The following TAOK3 variants were observed in gnomAD, a reference collection of about 807,000 sequenced individuals.
TAOK3 encodes the protein serine/threonine-protein kinase TAO3.
A neutral mutation model predicts 120.4 loss-of-function variants in TAOK3; 40 were observed. The ratio of observed to expected loss-of-function variants is 0.33; its 90% CI spans 0.26 to 0.43. TAOK3 has a LOEUF of 0.43. Among genes scored for constraint, TAOK3 ranks in the 20% least tolerant of loss-of-function variants. The pLI is 1.00. For missense variants in TAOK3, 821 were observed against 1,112.1 expected (o/e 0.74, Z 3.72); for synonymous variants, 355 against 387.5 (o/e 0.92, Z 0.99).
chr12:118,193,046 G>GTTTT (rs1319064230), intron 13 of TAOK3, among the ~76,000 whole-genome samples: 13 of 99,722 alleles, frequency 1.3e-4, no homozygotes, highest in African/African-American at 3.6e-4. Flanking sequence ...TTACCACGTT[G>GTTTT]TTGTTTTTTT....
intron 16 of TAOK3, among the ~76,000 whole-genome samples, chr12:118,175,088 A>G (rs1415602082): frequency 4.6e-5 from 7 of 152,144 alleles, no homozygotes; most frequent in Non-Finnish European, 1.0e-4. Flanking sequence ...AAGAATGTGA[A>G]CCTTCTGAGT....
intron 3 of TAOK3, among the ~76,000 whole-genome samples, chr12:118,245,588 G>A (rs1460666751): frequency 3.9e-5 from 6 of 152,150 alleles, no homozygotes; most frequent in Admixed American, 3.9e-4. Context: ...AAAGTGCTGG[G>A]ATTACAGACG....
intron 9 of TAOK3, among the ~76,000 whole-genome samples, chr12:118,229,997 T>C (rs749995907): frequency 2.0e-5 from 3 of 152,184 alleles, no homozygotes; most frequent in Non-Finnish European, 4.4e-5. Context: ...AAGCATATAA[T>C]AGATATTAAT....
At chr12:118,358,936 C>T (rs1326139194) in intron 1 of TAOK3, 1 of 152,044 alleles carries the variant, frequency 6.6e-6, no homozygotes, top group East Asian at 1.9e-4. Context: ...AGATCTCAAA[C>T]GCATGTCCTA....
intron 1 of TAOK3, among the ~76,000 whole-genome samples, chr12:118,337,623 G>A (rs774299561): frequency 1.3e-5 from 2 of 152,062 alleles, no homozygotes; most frequent in African/African-American, 4.8e-5. Context: ...CAGTTAAATC[G>A]TCAGAGAATT....
At chr12:118,173,470 A>G (rs186488415) in intron 16 of TAOK3, among the ~76,000 whole-genome samples, 1 of 152,338 alleles carries the variant, frequency 6.6e-6, no homozygotes, top group Non-Finnish European at 1.5e-5. Context: ...ACATATGAAG[A>G]TAGCTGGGAG....
chr12:118,195,981 C>T (rs530320404), intron 13 of TAOK3, among the ~76,000 whole-genome samples: 11 of 152,064 alleles, frequency 7.2e-5, no homozygotes, highest in East Asian at 1.9e-4. Flanking sequence ...ACGCAGGAGG[C>T]GGAGCTTGCA....
chr12:118,362,375 T>C (rs1182465834), intron 1 of TAOK3, among the ~76,000 whole-genome samples: 1 of 151,034 alleles, frequency 6.6e-6, no homozygotes. Flanking sequence ...CACAATGTTT[T>C]AAGAAAGTTT....
At chr12:118,243,328 G>A in intron 5 of TAOK3, 87 bp downstream of exon 5, 7 of 715,654 alleles carry the variant, frequency 9.8e-6, no homozygotes, top group South Asian at 1.8e-5. Context: ...AATGAAATTA[G>A]TAATTTTACA....
chr12:118,299,322 T>C (rs1336171425), intron 1 of TAOK3, among the ~76,000 whole-genome samples: 1 of 152,200 alleles, frequency 6.6e-6, no homozygotes, highest in African/African-American at 2.4e-5. Context: ...CAAACTCATA[T>C]AACCTTTTGC....
chr12:118,290,888 GT>G (rs1566071242), intron 1 of TAOK3, among the ~76,000 whole-genome samples: 1 of 150,388 alleles, frequency 6.6e-6, no homozygotes, highest in African/African-American at 2.5e-5. Flanking sequence ...GTATTAGGGC[GT>G]TTACTTTTTT....
chr12:118,345,393 T>C lies in TAOK3; in HGVS notation c.-194+27255A>G, dbSNP rs139948866. Among the ~76,000 whole-genome samples the C allele has an allele frequency of 5.3e-5, 8 of 152,166 alleles. No homozygotes were observed. In the East Asian group the frequency reaches 1.4e-3, roughly 26 times the overall value. On this transcript the variant is annotated intron_variant, in intron 1 of 20. Transcript: ENST00000392533. ...TCAAAAGGGTTCATAACCAAGAAGT[T>C]TGAATGCAAAACGAACAAAATAAAC... is the stretch of plus-strand genomic sequence containing the variant.
chr12:118,239,314 T>C, intron 5 of TAOK3, 42 bp from the exon 6 acceptor site: 1 of 1,201,206 alleles, frequency 8.3e-7, no homozygotes, highest in Non-Finnish European at 1.2e-6. Flanking sequence ...TGAAAGTTAA[T>C]TTAAAAACTG....
Position 118,246,112 on chromosome 12 carries a change from G to C in TAOK3, c.121-1147C>G. The C allele has an allele frequency of 6.6e-6, 9 of 1,354,286 alleles. 1 individual carries two copies. The highest frequency in any genetic ancestry group is 8.0e-6 in the Non-Finnish European group (8 of 1,000,528). The allele number at this position is 1,354,286 out of a possible 1,614,324, so 83.9% of individuals were successfully genotyped here. ...GCGGATGACGCCGGTGCAGCGGGGG[G>C]GCACGGAGGCCCTGGTGGCCCTGGG... On this transcript the variant is annotated intron_variant, in intron 3 of 20. Transcript: ENST00000392533.
chr12:118,256,171 C>T (rs1191017554), intron 2 of TAOK3: 1 of 151,794 alleles, frequency 6.6e-6, no homozygotes, highest in Non-Finnish European at 1.5e-5. Flanking sequence ...TGAGAAGATC[C>T]TCAAACATCA....
At chr12:118,251,196 G>T (rs1187252736) in intron 3 of TAOK3, among the ~76,000 whole-genome samples, 6 of 152,138 alleles carry the variant, frequency 3.9e-5, no homozygotes, top group Non-Finnish European at 8.8e-5. Flanking sequence ...AATCATAGTT[G>T]TCCAAATAAG....
intron 17 of TAOK3, among the ~76,000 whole-genome samples, chr12:118,171,639 G>A (rs1160735089): frequency 6.6e-6 from 1 of 152,198 alleles, no homozygotes; most frequent in Admixed American, 6.5e-5. Context: ...TTACAGGCAT[G>A]AGCCACCATG....
At chr12:118,272,213 A>T (rs939107723) in intron 1 of TAOK3, among the ~76,000 whole-genome samples, 5 of 151,174 alleles carry the variant, frequency 3.3e-5, no homozygotes, top group African/African-American at 1.2e-4. Context: ...GAATCACTTA[A>T]GCCCAGGAGG....
chr12:118,276,038 T>C (rs528700424), intron 1 of TAOK3, among the ~76,000 whole-genome samples: 4 of 152,286 alleles, frequency 2.6e-5, no homozygotes, highest in East Asian at 1.9e-4. Flanking sequence ...CCTTTCATAA[T>C]GTGATGGAGA....
Sources: gnomAD v4.1 joint callset for allele counts (sites outside exome capture counted in the v4.1 genomes callset) on GRCh38, gnomAD v4.1.1 for gene constraint, MANE v1.5 for transcripts, NCBI Gene and HGNC (gene_info 2026-07-23, HGNC 2026-07-21) for gene names.